Variants in RAB3C observed in about 807,000 individuals in gnomAD.
RAB3C encodes RAB3C, member RAS oncogene family.
RAB3C carries 17 observed loss-of-function variants against 26.4 expected under a neutral mutation model. The ratio of observed to expected loss-of-function variants is 0.64; its 90% CI spans 0.44 to 0.97. RAB3C has a LOEUF of 0.97. Among genes scored for constraint, RAB3C ranks in the 50% least tolerant of loss-of-function variants. The pLI, the probability that RAB3C is intolerant of heterozygous loss-of-function variation, is 0.00. For missense variants in RAB3C, 242 were observed against 281.9 expected, an observed-to-expected ratio of 0.86 and a Z score of 1.01; for synonymous variants, 91 against 95.9, an observed-to-expected ratio of 0.95 and a Z score of 0.30.
chr5:58,710,702 C>T (rs902718877), intron 2 of RAB3C, among the ~76,000 whole-genome samples: 9 of 152,012 alleles, frequency 5.9e-5, no homozygotes, highest in Non-Finnish European at 7.4e-5. Flanking sequence ...GGTATCTTCT[C>T]CCTGGCTTTC....
intron 3 of RAB3C, 99 bp downstream of exon 3, chr5:58,726,219 G>A (rs1740885955): frequency 3.3e-6 from 2 of 607,746 alleles, no homozygotes; most frequent in African/African-American, 3.8e-5. Context: ...TGTAATATAT[G>A]TGTTTACATT....
At chr5:58,585,606 A>T (rs1745993785) in intron 1 of RAB3C, among the ~76,000 whole-genome samples, 1 of 152,026 alleles carries the variant, frequency 6.6e-6, no homozygotes, top group Non-Finnish European at 1.5e-5. Flanking sequence ...TTATTTCCCA[A>T]TTTACTTCTT....
At chr5:58,829,414 G>C (rs1270807191) in intron 4 of RAB3C, among the ~76,000 whole-genome samples, 1 of 152,034 alleles carries the variant, frequency 6.6e-6, no homozygotes, top group Admixed American at 6.6e-5. Flanking sequence ...AATTTATCTG[G>C]GAATAAGAAC....
At position 58,845,823 on chromosome 5, in the gene RAB3C, A is replaced by G. The variant is rs548204404; in HGVS notation, c.497-5341A>G. On this transcript the variant is annotated intron_variant, in intron 4 of 4. Coordinates refer to ENST00000282878, the MANE Select transcript of RAB3C (RefSeq NM_138453.4). ...AATTTTGGAATATTTTCATAACCCC[A>G]GAAAGAAGCCCCCTGCCCATCAGCA... 2.6e-5 allele frequency among the ~76,000 whole-genome samples: 4 copies of G among 151,906 alleles called. No homozygotes were observed. The South Asian group carries it at 8.3e-4, about 32-fold the overall frequency.
At chr5:58,725,132 T>A (rs889414160) in intron 2 of RAB3C, among the ~76,000 whole-genome samples, 2 of 151,888 alleles carry the variant, frequency 1.3e-5, no homozygotes, top group Non-Finnish European at 2.9e-5. Context: ...TGGTGGTGAA[T>A]TTTCTCAGCT....
At chr5:58,631,347 G>T (rs1421439505) in intron 2 of RAB3C, among the ~76,000 whole-genome samples, 1 of 152,210 alleles carries the variant, frequency 6.6e-6, no homozygotes, top group East Asian at 1.9e-4. Flanking sequence ...CTGAAAAAGG[G>T]AGCATAGCTG....
At chr5:58,823,140 TA>T in intron 3 of RAB3C, 2 of 391,184 alleles carry the variant, frequency 5.1e-6, no homozygotes, top group South Asian at 4.6e-5. Flanking sequence ...ATGCATTACC[TA>T]ATGGAAGCAG....
At chr5:58,684,278 G>C (rs542292074) in intron 2 of RAB3C, among the ~76,000 whole-genome samples, 1 of 152,202 alleles carries the variant, frequency 6.6e-6, no homozygotes, top group South Asian at 2.1e-4. Context: ...TTTATACCAG[G>C]GACTTGAGCC....
At chr5:58,840,689 C>T (rs1218395048) in intron 4 of RAB3C, among the ~76,000 whole-genome samples, 1 of 151,966 alleles carries the variant, frequency 6.6e-6, no homozygotes, top group Non-Finnish European at 1.5e-5. Flanking sequence ...CAACAGTGTA[C>T]TCTCCATGTA....
intron 2 of RAB3C, among the ~76,000 whole-genome samples, chr5:58,635,981 A>T (rs1164266022): frequency 6.6e-6 from 1 of 152,238 alleles, no homozygotes; most frequent in African/African-American, 2.4e-5. Flanking sequence ...ATTAAAAATA[A>T]AATGCTGTCA....
intron 4 of RAB3C, among the ~76,000 whole-genome samples, chr5:58,845,540 GA>G (rs1177847381): frequency 1.7e-4 from 25 of 147,858 alleles, no homozygotes; most frequent in Non-Finnish European, 2.8e-4. Context: ...GGGTTTCTCA[GA>G]AAAATCTCTA....
chr5:58,823,581 T>G (rs1743398786), intron 3 of RAB3C: 1 of 196,578 alleles, frequency 5.1e-6, no homozygotes, highest in South Asian at 1.1e-4. Flanking sequence ...GAATCCAAAC[T>G]ATGAGAAGCC....
At chr5:58,673,825 T>C (rs1748171267) in intron 2 of RAB3C, among the ~76,000 whole-genome samples, 1 of 152,230 alleles carries the variant, frequency 6.6e-6, no homozygotes, top group African/African-American at 2.4e-5. Flanking sequence ...ATGCCTCTCA[T>C]AACTCAGAGG....
At chr5:58,655,028 A>G (rs1240983426) in intron 2 of RAB3C, among the ~76,000 whole-genome samples, 1 of 152,188 alleles carries the variant, frequency 6.6e-6, no homozygotes, top group African/African-American at 2.4e-5. Flanking sequence ...TTTATTTATG[A>G]TAGATATTAT....
At chr5:58,731,364 T>G (rs2111929645) in intron 3 of RAB3C, among the ~76,000 whole-genome samples, 1 of 152,260 alleles carries the variant, frequency 6.6e-6, no homozygotes, top group South Asian at 2.1e-4. Context: ...AGAATTTATG[T>G]AGAATCTATA....
chr5:58,717,253 C>T (rs1030733838), intron 2 of RAB3C, among the ~76,000 whole-genome samples: 4 of 152,088 alleles, frequency 2.6e-5, no homozygotes, highest in South Asian at 2.1e-4. Context: ...ATATTCTCAG[C>T]GACTGGTAGT....
rs890727025 is a variant in RAB3C at position 58,854,757 on chromosome 5, T to C, written c.*3406T>C. Reference sequence around the variant, plus strand: ...AAAACTATGACAATGCCTTCAGTTGTAGCAGAAAGTTGTGGCATTGTGATA... The same window carrying C: ...AAAACTATGACAATGCCTTCAGTTGCAGCAGAAAGTTGTGGCATTGTGATA... On this transcript the variant is annotated 3_prime_UTR_variant, in exon 5 of 5. Coordinates refer to ENST00000282878, the MANE Select transcript of RAB3C (RefSeq NM_138453.4). 1 of 152,206 alleles carries C rather than the reference T, an allele frequency of 6.6e-6. No homozygotes were observed. The highest frequency in any genetic ancestry group is 1.5e-5 in the Non-Finnish European group (1 of 68,040). The allele number at this position is 152,206 out of a possible 1,614,324, so 9.4% of individuals were successfully genotyped here. A position where few individuals can be genotyped will look rare whatever the true frequency, so the allele number is the denominator to read the frequency against.
chr5:58,788,628 AT>A (rs1742446710), intron 3 of RAB3C, among the ~76,000 whole-genome samples: 1 of 152,222 alleles, frequency 6.6e-6, no homozygotes, highest in African/African-American at 2.4e-5. Context: ...TAAAATATGC[AT>A]TTCAAATGCA....
rs1438056513 is a variant in RAB3C, at chr5:58,798,094, G to GGT, written c.372-26943_372-26942insTG. On this transcript the variant is annotated intron_variant, in intron 3 of 4. Transcript: ENST00000282878. Reference sequence around the variant, plus strand: ...AGTAATCATTCAGAACATACTTGGCGGGGGGGCCTCCTCTTTACAGAAGAA... The same window carrying GGT: ...AGTAATCATTCAGAACATACTTGGCGGTGGGGGGCCTCCTCTTTACAGAAGAA... Among the ~76,000 whole-genome samples, 7 of 40,978 alleles carry GGT rather than the reference G, an allele frequency of 1.7e-4. No homozygotes were observed. In the South Asian group the frequency reaches 4.1e-3, roughly 24 times the overall value. 26.9% of individuals were successfully genotyped at this position (40,978 alleles called of 152,430 possible).
Sources: gnomAD v4.1 joint callset for allele counts (sites outside exome capture counted in the v4.1 genomes callset) on GRCh38, gnomAD v4.1.1 for gene constraint, MANE v1.5 for transcripts, NCBI Gene and HGNC (gene_info 2026-07-23, HGNC 2026-07-21) for gene names.